Variants in MICU1 observed in about 807,000 individuals in gnomAD.
MICU1 encodes mitochondrial calcium uptake 1, also known as calcium uptake protein 1, mitochondrial.
Under a neutral mutation model 56.8 loss-of-function variants are expected in MICU1, and 45 were observed. The ratio of observed to expected loss-of-function variants is 0.79; its 90% confidence interval spans 0.62 to 1.02. MICU1 has a LOEUF of 1.02. MICU1 is among the 50% of genes least tolerant of loss of function. MICU1 has a pLI of 0.00. For synonymous variants in MICU1, 186 were observed against 195.1 expected (o/e 0.95, Z 0.39); for missense variants, 504 against 587.1 (o/e 0.86, Z 1.46).
At chr10:72,447,974 A>C (rs943779235) in intron 8 of MICU1, among the ~76,000 whole-genome samples, 3 of 151,812 alleles carry the variant, frequency 2.0e-5, no homozygotes, top group Non-Finnish European at 4.4e-5. Flanking sequence ...CAGAGCTCAA[A>C]TCCCAGTTGA....
rs1387072204 is a variant in MICU1, at chr10:72,533,674, A to G, written c.537+72T>C. ...GGTATTCAGTGATTTCTCAAACATAACTATAGAGGAACTTAAAAATCTTCT... is the reference window on the plus strand; with the variant it reads ...GGTATTCAGTGATTTCTCAAACATAGCTATAGAGGAACTTAAAAATCTTCT... On this transcript the variant is annotated intron_variant, in intron 5 of 11. Transcript: ENST00000361114. 1.3e-5 allele frequency: 15 copies of G among 1,146,862 alleles called. No individual in the cohort carries two copies. In the South Asian group the frequency reaches 2.1e-4, roughly 16 times the overall value. 71.0% of individuals were successfully genotyped at this position (1,146,862 alleles called of 1,614,324 possible).
chr10:72,454,800 A>G (rs547659986), intron 8 of MICU1, among the ~76,000 whole-genome samples: 7 of 145,858 alleles, frequency 4.8e-5, no homozygotes, highest in African/African-American at 1.9e-4. Context: ...AAAAAAAAAC[A>G]AAAAACAAAA....
intron 8 of MICU1, among the ~76,000 whole-genome samples, chr10:72,456,083 G>A (rs575895016): frequency 6.6e-6 from 1 of 152,188 alleles, no homozygotes; most frequent in Non-Finnish European, 1.5e-5. Context: ...TGAATCATGT[G>A]GGGGAGGACT....
rs1304998702 is a variant in MICU1 at position 72,487,088 on chromosome 10, A to G, written c.653-9832T>C. On this transcript the variant is annotated intron_variant, in intron 6 of 11. Transcript: ENST00000361114. ...TTTATGGGGACAATGCCCCAAGGAAATCAGCAGTTTACAAAGGGAAAACTT... is the reference window on the plus strand; with the variant it reads ...TTTATGGGGACAATGCCCCAAGGAAGTCAGCAGTTTACAAAGGGAAAACTT... 2.6e-5 allele frequency among the ~76,000 whole-genome samples: 4 copies of G among 152,310 alleles called. No individual in the cohort carries two copies. In the East Asian group the frequency reaches 7.7e-4, roughly 29 times the overall value.
chr10:72,470,791 C>A (rs1392702140), intron 8 of MICU1, among the ~76,000 whole-genome samples: 1 of 152,098 alleles, frequency 6.6e-6, no homozygotes, highest in Non-Finnish European at 1.5e-5. Context: ...GTATTACTAG[C>A]CACTTACAGA....
At chr10:72,486,361 T>C (rs1011040678) in intron 6 of MICU1, among the ~76,000 whole-genome samples, 1 of 152,222 alleles carries the variant, frequency 6.6e-6, no homozygotes, top group Admixed American at 6.5e-5. Context: ...ATTAGTTAGA[T>C]ATAAAGGACA....
chr10:72,578,421 C>T (rs1380155133), intron 1 of MICU1, among the ~76,000 whole-genome samples: 5 of 134,708 alleles, frequency 3.7e-5, no homozygotes, highest in South Asian at 2.4e-4. Context: ...CCATGCCTGG[C>T]TTTTTTTTTT....
Position 72,486,098 on chromosome 10 carries a change from T to C in MICU1, c.653-8842A>G, listed in dbSNP as rs559370925. ...CTCCCCAAATTTAAGTAAACTAAGT[T>C]GCTCAAATTATGTTATTTATAATAA... is the stretch of plus-strand genomic sequence containing the variant. On this transcript the variant is annotated intron_variant, in intron 6 of 11. Coordinates refer to ENST00000361114, the MANE Select transcript of MICU1 (RefSeq NM_001195518.2). Among the ~76,000 whole-genome samples the C allele has an allele frequency of 1.8e-4, 27 of 152,200 alleles. No homozygotes were observed. In the East Asian group the frequency reaches 5.0e-3, roughly 28 times the overall value.
At chr10:72,474,684 C>G (rs540094035) in intron 8 of MICU1, among the ~76,000 whole-genome samples, 58 of 152,282 alleles carry the variant, frequency 3.8e-4, no homozygotes, top group Middle Eastern at 6.8e-3. Flanking sequence ...ATTAAGCACA[C>G]ATATTTTTAT....
chr10:72,617,400 C>T (rs1842007902), intron 1 of MICU1, among the ~76,000 whole-genome samples: 1 of 152,106 alleles, frequency 6.6e-6, no homozygotes, highest in African/African-American at 2.4e-5. Context: ...TTAATAAACA[C>T]TACTCTGTGA....
rs927321607 is a variant in MICU1, at chr10:72,482,614, A to G, written c.653-5358T>C. On this transcript the variant is annotated intron_variant, in intron 6 of 11. Coordinates refer to ENST00000361114, the MANE Select transcript of MICU1 (RefSeq NM_001195518.2). ...TTTTTTTTCCTCATGCACAGTCCAA[A>G]TCTACCCTGTGTAGCTCCTAAAAAC... Among the ~76,000 whole-genome samples, 5 of 151,984 alleles carry G rather than the reference A, an allele frequency of 3.3e-5. No individual in the cohort carries two copies. In the South Asian group the frequency reaches 8.3e-4, roughly 25 times the overall value.
At chr10:72,444,703 C>G (rs1253810237) in intron 8 of MICU1, among the ~76,000 whole-genome samples, 1 of 152,184 alleles carries the variant, frequency 6.6e-6, no homozygotes, top group Admixed American at 6.5e-5. Flanking sequence ...CCTAACTTGG[C>G]CTCCCAAAGT....
chr10:72,434,266 T>C (rs1262942815), intron 8 of MICU1, among the ~76,000 whole-genome samples: 1 of 152,154 alleles, frequency 6.6e-6, no homozygotes, highest in Non-Finnish European at 1.5e-5. Flanking sequence ...CCAGAGCCTA[T>C]ACTAAGTGCT....
At chr10:72,538,529 GTTATAA>G (rs1225142431) in intron 4 of MICU1, among the ~76,000 whole-genome samples, 1 of 152,014 alleles carries the variant, frequency 6.6e-6, no homozygotes, top group East Asian at 1.9e-4. Context: ...GAAATAATCT[GTTATAA>G]TTATGTTTTT....
intron 5 of MICU1, among the ~76,000 whole-genome samples, chr10:72,512,018 T>C: frequency 6.6e-6 from 1 of 151,670 alleles, no homozygotes; most frequent in Admixed American, 6.6e-5. Flanking sequence ...CTTAATCTAG[T>C]CAAGTTGACA....
intron 8 of MICU1, among the ~76,000 whole-genome samples, chr10:72,427,837 T>C (rs1479766166): frequency 6.6e-6 from 1 of 151,372 alleles, no homozygotes; most frequent in African/African-American, 2.4e-5. Context: ...CTCAAGCCAC[T>C]GAGCTGAACA....
At chr10:72,512,753 G>A (rs760557981) in intron 5 of MICU1, among the ~76,000 whole-genome samples, 9 of 151,914 alleles carry the variant, frequency 5.9e-5, no homozygotes, top group Non-Finnish European at 1.0e-4. Flanking sequence ...AGGCTGGAGT[G>A]CAGTGATATG....
chr10:72,597,539 T>C (rs149996349), intron 1 of MICU1, among the ~76,000 whole-genome samples: 95 of 152,166 alleles, frequency 6.2e-4, no homozygotes, highest in African/African-American at 2.2e-3. Flanking sequence ...TTGGAATATA[T>C]GTAAATACAT....
chr10:72,542,283 A>G (rs1363842055), intron 4 of MICU1, among the ~76,000 whole-genome samples: 1 of 152,136 alleles, frequency 6.6e-6, no homozygotes, highest in Non-Finnish European at 1.5e-5. Flanking sequence ...AAAATGTAAA[A>G]ACCATTCTCT....
Sources: gnomAD v4.1 joint callset for allele counts (sites outside exome capture counted in the v4.1 genomes callset) on GRCh38, gnomAD v4.1.1 for gene constraint, MANE v1.5 for transcripts, NCBI Gene and HGNC (gene_info 2026-07-23, HGNC 2026-07-21) for gene names.